Variants in RPS6KA2 observed in about 807,000 individuals in gnomAD.
The protein encoded by RPS6KA2 is ribosomal protein S6 kinase A2.
Under a neutral mutation model 91.8 loss-of-function variants are expected in RPS6KA2, and 42 were observed. The ratio of observed to expected loss-of-function variants is 0.46; its 90% CI spans 0.36 to 0.59. The LOEUF (loss-of-function observed/expected upper bound fraction) is 0.59. Ranked by LOEUF, RPS6KA2 falls within the 20% of genes least tolerant of loss-of-function variation. The pLI is 0.00. For synonymous variants in RPS6KA2, 414 were observed against 393.6 expected (o/e 1.05, Z -0.61); for missense variants, 798 against 978.5 (o/e 0.82, Z 2.46).
At chr6:166,573,652 C>T (rs548126067) in intron 1 of RPS6KA2, among the ~76,000 whole-genome samples, 1 of 152,350 alleles carries the variant, frequency 6.6e-6, no homozygotes, top group African/African-American at 2.4e-5. Flanking sequence ...CCTCACCGGC[C>T]TTTGCTGCAC....
intron 2 of RPS6KA2, among the ~76,000 whole-genome samples, chr6:166,646,560 C>T (rs1020486134): frequency 3.3e-5 from 5 of 152,248 alleles, no homozygotes; most frequent in Non-Finnish European, 7.3e-5. Context: ...CTGGTCCAGC[C>T]GCATGCCTTG....
chr6:166,707,590 C>T (rs559381427), intron 2 of RPS6KA2, among the ~76,000 whole-genome samples: 5 of 152,138 alleles, frequency 3.3e-5, no homozygotes, highest in African/African-American at 1.2e-4. Flanking sequence ...AATCAAGGCC[C>T]AGGGTCATTA....
upstream of RPS6KA2, among the ~76,000 whole-genome samples, chr6:166,629,438 G>GA (rs1438498059): frequency 6.6e-6 from 1 of 152,214 alleles, no homozygotes; most frequent in Non-Finnish European, 1.5e-5. Flanking sequence ...ACTTGGGAGG[G>GA]AAAATCATTC....
chr6:166,427,191 A>G (rs1484706988), intron 16 of RPS6KA2, among the ~76,000 whole-genome samples: 165 of 150,384 alleles, frequency 1.1e-3, no homozygotes, highest in Middle Eastern at 7.0e-3. Flanking sequence ...ACAGAACCAA[A>G]GACAAAAACC....
intron 11 of RPS6KA2, among the ~76,000 whole-genome samples, chr6:166,468,447 G>C (rs773229466): frequency 6.6e-6 from 1 of 152,242 alleles, no homozygotes; most frequent in Non-Finnish European, 1.5e-5. Flanking sequence ...GCTGAAGGAA[G>C]AGGAGAGCTG....
At position 166,634,052 on chromosome 6, in the gene RPS6KA2, C is replaced by T. The variant is rs566236002; in HGVS notation, c.124-95268G>A. Among the ~76,000 whole-genome samples the T allele has an allele frequency of 5.9e-5, 9 of 152,192 alleles. No individual in the cohort carries two copies. The East Asian group carries it at 1.5e-3, about 26-fold the overall frequency. ...GTGTGGGCAGAGTGTGGGCTCAGGG[C>T]GTGGGGTCAGGCAGAGGGAATGACG... On this transcript the variant is annotated intron_variant, in intron 2 of 21. Coordinates refer to the RPS6KA2 transcript ENST00000503859.
intron 17 of RPS6KA2, among the ~76,000 whole-genome samples, chr6:166,421,625 C>T (rs1341384696): frequency 6.6e-6 from 1 of 152,184 alleles, no homozygotes; most frequent in Non-Finnish European, 1.5e-5. Flanking sequence ...TAAAAATTCT[C>T]TGTTCTTTGT....
chr6:166,854,646 C>G (rs923461383), intron 2 of RPS6KA2, among the ~76,000 whole-genome samples: 1 of 152,142 alleles, frequency 6.6e-6, no homozygotes, highest in Non-Finnish European at 1.5e-5. Context: ...AGGCATGAAA[C>G]GTTTATCAGT....
intron 2 of RPS6KA2, among the ~76,000 whole-genome samples, chr6:166,809,276 A>G (rs1455176160): frequency 6.6e-6 from 1 of 152,232 alleles, no homozygotes; most frequent in Admixed American, 6.5e-5. Context: ...ATGGAGGAGT[A>G]TACTTCTGTG....
chr6:166,720,839 G>A (rs893771721), intron 2 of RPS6KA2, among the ~76,000 whole-genome samples: 1 of 152,168 alleles, frequency 6.6e-6, no homozygotes, highest in Non-Finnish European at 1.5e-5. Context: ...CAGCAAGGCC[G>A]TACCTGCCTA....
chr6:166,734,283 C>G (rs1022577711), intron 2 of RPS6KA2, among the ~76,000 whole-genome samples: 6 of 152,196 alleles, frequency 3.9e-5, no homozygotes, highest in Admixed American at 1.3e-4. Context: ...ACCTGTTTCT[C>G]TCCTTAGCAG....
intron 1 of RPS6KA2, among the ~76,000 whole-genome samples, chr6:166,579,036 T>C (rs1000210186): frequency 1.3e-5 from 2 of 152,144 alleles, no homozygotes; most frequent in Non-Finnish European, 2.9e-5. Context: ...AAGTCTGATG[T>C]CGAGCAGCAT....
chr6:166,773,194 A>G (rs1285426669), intron 2 of RPS6KA2, among the ~76,000 whole-genome samples: 8 of 151,958 alleles, frequency 5.3e-5, no homozygotes, highest in Admixed American at 4.6e-4. Context: ...TACGGATCCC[A>G]TCTCCTCCCC....
In RPS6KA2 at chr6:166,626,786, G is replaced by T. The variant is rs779275100; in HGVS notation, c.99+135C>A. 2.8e-6 allele frequency: 2 copies of T among 716,228 alleles called. No individual in the cohort carries two copies. Among genetic ancestry groups the T allele is most frequent in the Admixed American group, 4.3e-5 (1 of 23,254 alleles). 44.4% of individuals were successfully genotyped at this position (716,228 alleles called of 1,614,324 possible). Reference sequence around the variant, plus strand: ...TTGGAGCCGTTTGGTTCGATTTTCGGAACCGGACCAGCTTTCCAGTAACTT... The same window carrying T: ...TTGGAGCCGTTTGGTTCGATTTTCGTAACCGGACCAGCTTTCCAGTAACTT... On this transcript the variant is annotated intron_variant, in intron 1 of 20. Coordinates refer to ENST00000265678, the MANE Select transcript of RPS6KA2 (RefSeq NM_021135.6). This position sits in a 1 kb window ranked among gnomAD's most constrained non-coding sequence, Gnocchi z 4.1.
intron 2 of RPS6KA2, among the ~76,000 whole-genome samples, chr6:166,681,037 A>C (rs965906797): frequency 2.0e-5 from 3 of 151,972 alleles, no homozygotes; most frequent in Non-Finnish European, 4.4e-5. Context: ...ATATCTTCTC[A>C]CCCCTTCTGC....
chr6:166,453,977 C>T lies in RPS6KA2; in HGVS notation c.1076-2744G>A, dbSNP rs576171165. Among the ~76,000 whole-genome samples the T allele has an allele frequency of 1.9e-4, 29 of 152,278 alleles. No individual in the cohort carries two copies. In the East Asian group the frequency reaches 1.9e-3, roughly 10 times the overall value. On this transcript the variant is annotated intron_variant, in intron 12 of 20. Transcript: ENST00000265678. ...GAAAGTCAAACATCGCATGTTCTCACTCATAAGTGGGTGCTAAATTGCTAA... is the reference window on the plus strand; with the variant it reads ...GAAAGTCAAACATCGCATGTTCTCATTCATAAGTGGGTGCTAAATTGCTAA...
chr6:166,736,065 A>C (rs965068798), intron 2 of RPS6KA2, among the ~76,000 whole-genome samples: 5 of 152,206 alleles, frequency 3.3e-5, no homozygotes, highest in African/African-American at 1.2e-4. Flanking sequence ...AGAACAGCTG[A>C]TTTTCTAGTT....
At chr6:166,484,097 T>C (rs1346306928) in intron 10 of RPS6KA2, among the ~76,000 whole-genome samples, 1 of 152,198 alleles carries the variant, frequency 6.6e-6, no homozygotes, top group Non-Finnish European at 1.5e-5. Flanking sequence ...TCTTTTCTGC[T>C]TTACCACTTG....
intron 10 of RPS6KA2, 137 bp downstream of exon 10, chr6:166,488,696 C>T: frequency 1.6e-6 from 1 of 625,892 alleles, no homozygotes; most frequent in Non-Finnish European, 2.8e-6. Context: ...ACTATTTCAA[C>T]CTCTAGGTGA....
Sources: allele counts gnomAD v4.1 joint callset (sites outside exome capture counted in the v4.1 genomes callset), GRCh38; gene constraint gnomAD v4.1.1; non-coding constraint Gnocchi (gnomAD v3.1); transcripts MANE v1.5; gene names NCBI Gene and HGNC (gene_info 2026-07-23, HGNC 2026-07-21).